The following RABGAP1 variants were observed in gnomAD, a reference collection of about 807,000 sequenced individuals.
RABGAP1 encodes the protein rab GTPase-activating protein 1.
Under a neutral mutation model 137.6 loss-of-function variants are expected in RABGAP1, and 23 were observed. The observed-to-expected ratio is 0.17, with a 90% CI of 0.12 to 0.24. The LOEUF (loss-of-function observed/expected upper bound fraction) is 0.24, where lower values mean the gene tolerates loss of function less well. RABGAP1 is among the 10% of genes least tolerant of loss of function. RABGAP1 has a pLI of 1.00. For missense variants in RABGAP1, 906 were observed against 1,275.8 expected, an observed-to-expected ratio of 0.71 and a Z score of 4.42; for synonymous variants, 451 against 450.7, an observed-to-expected ratio of 1.00 and a Z score of -0.01.
chr9:122,989,315 A>G lies in RABGAP1; in HGVS notation c.609A>G (p.Thr203=), dbSNP rs1252655825. The change falls in exon 5 of 26, where the codon ACA becomes ACG. Residue 203 remains threonine, a synonymous_variant. Coordinates refer to ENST00000373647, the MANE Select transcript of RABGAP1 (RefSeq NM_012197.4). ...EGIVRLLDPQ[T]NTEIANYPIY... is the part of the protein sequence containing the mutation. ...TGAACAGACTCTTAGATCCTCAGAC[A>G]AACACTGAAATAGCAAACTACCCTA... The G allele has an allele frequency of 6.2e-7, 1 of 1,613,542 alleles. No individual in the cohort carries two copies. The highest frequency in any genetic ancestry group is 8.5e-7 in the Non-Finnish European group (1 of 1,179,586).
At chr9:122,943,558 T>A (rs986256344) in intron 1 of RABGAP1, among the ~76,000 whole-genome samples, 1 of 152,242 alleles carries the variant, frequency 6.6e-6, no homozygotes, top group Admixed American at 6.5e-5. Context: ...TCCTACCTTT[T>A]CTGCTGCATA....
At chr9:122,956,485 C>T (rs1478408825) in intron 1 of RABGAP1, among the ~76,000 whole-genome samples, 7 of 151,912 alleles carry the variant, frequency 4.6e-5, no homozygotes, top group South Asian at 2.1e-4. Context: ...CCCGTCTCTA[C>T]GAAAAATACA....
rs755590195 is a variant in RABGAP1 at position 123,089,795 on chromosome 9, A to G, written c.2462A>G (p.Tyr821Cys). 2 of 1,613,712 alleles carry G rather than the reference A, an allele frequency of 1.2e-6. No homozygotes were observed. The highest frequency in any genetic ancestry group is 2.7e-5 in the African/African-American group (2 of 74,896). The change falls in exon 20 of 26, where the codon TAT becomes TGT. Residue 821 changes from tyrosine to cysteine, a missense_variant. By Grantham distance (194) the Tyr-to-Cys change is radical. Around this residue, in one of 9 missense-constraint regions of RABGAP1, gnomAD observed 77 missense variants for 105.6 expected, o/e 0.73. Transcript: ENST00000373647. ...AAGTTGAAAAAATACGAGAAAGAATATCACACCATGAGGGAACAGCAGGCC... is the reference window on the plus strand; with the variant it reads ...AAGTTGAAAAAATACGAGAAAGAATGTCACACCATGAGGGAACAGCAGGCC... Reference protein sequence around the residue: ...QKKLKKYEKEYHTMREQQAQQ... With the variant: ...QKKLKKYEKECHTMREQQAQQ...
chr9:123,036,797 G>A (rs1324944542), intron 13 of RABGAP1, among the ~76,000 whole-genome samples: 3 of 151,454 alleles, frequency 2.0e-5, no homozygotes, highest in Admixed American at 6.6e-5. Flanking sequence ...AAATCCTTTG[G>A]CATACAGTTC....
intron 19 of RABGAP1, among the ~76,000 whole-genome samples, chr9:123,079,224 T>G (rs1057499405): frequency 2.7e-3 from 92 of 34,666 alleles, no homozygotes; most frequent in Non-Finnish European, 8.8e-3. Context: ...TTTTTTTGTT[T>G]TTTTGTTTTG....
At chr9:122,966,682 A>G (rs188474699) in intron 2 of RABGAP1, among the ~76,000 whole-genome samples, 17 of 152,312 alleles carry the variant, frequency 1.1e-4, no homozygotes, top group Non-Finnish European at 1.9e-4. Context: ...CTGAGAAGAA[A>G]GAACTCTTGA....
At chr9:123,036,869 C>A (rs758774495) in intron 13 of RABGAP1, among the ~76,000 whole-genome samples, 37 of 147,762 alleles carry the variant, frequency 2.5e-4, no homozygotes, top group Non-Finnish European at 4.3e-4. Context: ...TTTTATAATT[C>A]TTCTATAGAA....
At chr9:123,076,923 C>A in intron 19 of RABGAP1, 161 bp downstream of exon 19, 1 of 387,364 alleles carries the variant, frequency 2.6e-6, no homozygotes, top group Non-Finnish European at 3.7e-6. Flanking sequence ...ATGATGTTTT[C>A]TTCTGTATTA....
chr9:122,993,559 A>G (rs2539932), intron 6 of RABGAP1, among the ~76,000 whole-genome samples: 37,476 of 151,992 alleles, frequency 0.25, 6,032 homozygotes, highest in Non-Finnish European at 0.37. Context: ...GGCGTGAGCC[A>G]CCATGCCTGG....
At chr9:123,083,107 C>T (rs1354140279) in intron 19 of RABGAP1, among the ~76,000 whole-genome samples, 1 of 152,150 alleles carries the variant, frequency 6.6e-6, no homozygotes, top group East Asian at 1.9e-4. Context: ...GATGTAAACT[C>T]TCAAAGGATA....
intron 2 of RABGAP1, among the ~76,000 whole-genome samples, chr9:122,983,609 C>T (rs1294364720): frequency 1.3e-5 from 2 of 152,206 alleles, no homozygotes; most frequent in Non-Finnish European, 2.9e-5. Context: ...GCCTCATTCT[C>T]TTAGCCCTGC....
chr9:123,070,833 C>T lies in RABGAP1; in HGVS notation c.1983+409C>T, dbSNP rs562983046. Among the ~76,000 whole-genome samples the T allele has an allele frequency of 6.6e-6, 1 of 152,288 alleles. No homozygotes were observed. The highest frequency in any genetic ancestry group is 1.9e-4 in the East Asian group (1 of 5,186). ...TTTATTCATTCATTGGCTTAGCAAA[C>T]ACCTTTGCCCTCCACCTTTTTTATT... On this transcript the variant is annotated intron_variant, in intron 15 of 25. Transcript: ENST00000373647. This position sits in a 1 kb window ranked among gnomAD's most constrained non-coding sequence, Gnocchi z 4.4.
chr9:122,944,246 A>G (rs1293748873), intron 1 of RABGAP1, among the ~76,000 whole-genome samples: 3 of 151,704 alleles, frequency 2.0e-5, no homozygotes, highest in Admixed American at 6.6e-5. Context: ...TTTTTTTTAA[A>G]AGAGATAGGG....
intron 13 of RABGAP1, among the ~76,000 whole-genome samples, chr9:123,032,708 A>T (rs1170828052): frequency 1.3e-5 from 2 of 152,200 alleles, no homozygotes; most frequent in Non-Finnish European, 2.9e-5. Flanking sequence ...TAATCCTTCT[A>T]AATAAAGATA....
intron 24 of RABGAP1, among the ~76,000 whole-genome samples, chr9:123,099,806 G>C (rs2132245679): frequency 6.6e-6 from 1 of 152,164 alleles, no homozygotes; most frequent in South Asian, 2.1e-4. Context: ...ATGTCTGTAA[G>C]GCAGTCGATG....
rs538440490 is a variant in RABGAP1, at chr9:123,087,832, G to T, written c.2425-1926G>T. Among the ~76,000 whole-genome samples the T allele has an allele frequency of 5.9e-5, 9 of 152,258 alleles. No individual in the cohort carries two copies. In the East Asian group the frequency reaches 1.7e-3, roughly 29 times the overall value. On this transcript the variant is annotated intron_variant, in intron 19 of 25. Transcript: ENST00000373647. ...CACACTCTCCCACTGAGAGCGTCTG[G>T]AGACACTGACACCAACACGCAGCAA...
intron 13 of RABGAP1, among the ~76,000 whole-genome samples, chr9:123,059,748 A>C (rs749450232): frequency 6.6e-6 from 1 of 152,088 alleles, no homozygotes; most frequent in Admixed American, 6.5e-5. Context: ...CATGCCACCT[A>C]TGAGCTGCAA....
chr9:122,992,012 T>C (rs576634514), intron 6 of RABGAP1, among the ~76,000 whole-genome samples: 2 of 152,132 alleles, frequency 1.3e-5, no homozygotes, highest in Non-Finnish European at 2.9e-5. Flanking sequence ...TTTACCTTGT[T>C]AAGCAACCTT....
At chr9:123,071,888 G>A (rs1282194798) in intron 15 of RABGAP1, among the ~76,000 whole-genome samples, 1 of 152,210 alleles carries the variant, frequency 6.6e-6, no homozygotes, top group Non-Finnish European at 1.5e-5. Flanking sequence ...GGGAGGAACT[G>A]AAAGGAGGAC....
Sources: allele counts gnomAD v4.1 joint callset (sites outside exome capture counted in the v4.1 genomes callset), GRCh38; gene constraint gnomAD v4.1.1; regional missense constraint gnomAD v4.1.1; non-coding constraint Gnocchi (gnomAD v3.1); transcripts MANE v1.5; gene names NCBI Gene and HGNC (gene_info 2026-07-23, HGNC 2026-07-21).